The following TMCC2 variants were observed in gnomAD, a reference collection of about 807,000 sequenced individuals.
The protein encoded by TMCC2 is transmembrane and coiled-coil domain family 2.
TMCC2 carries 16 observed loss-of-function variants against 49.4 expected under a neutral mutation model. That is an observed-to-expected ratio of 0.32 (90% CI 0.22 to 0.49). TMCC2 has a LOEUF of 0.49. TMCC2 is among the 20% of genes least tolerant of loss of function. TMCC2 has a pLI of 0.99. For synonymous variants in TMCC2, 397 were observed against 434.1 expected (o/e 0.91, Z 1.06); for missense variants, 762 against 989.8 (o/e 0.77, Z 3.09).
chr1:205,242,390 C>A (rs1465661438), intron 2 of TMCC2, among the ~76,000 whole-genome samples: 1 of 152,174 alleles, frequency 6.6e-6, no homozygotes, highest in African/African-American at 2.4e-5. Context: ...CTGCCACTTA[C>A]TCAGTTAACC....
chr1:205,228,553 C>A lies in TMCC2; in HGVS notation c.-12C>A, dbSNP rs777167743. The A allele has an allele frequency of 7.6e-6, 12 of 1,588,194 alleles. No individual in the cohort carries two copies. The highest frequency in any genetic ancestry group is 1.7e-4 in the Middle Eastern group (1 of 5,988). ...TGGAAGGACAGATTCCCCTTGCCGA[C>A]CCACATACACCATGAAGAGGTGCAG... is the stretch of plus-strand genomic sequence containing the variant. On this transcript the variant is annotated 5_prime_UTR_variant, in exon 1 of 5. Transcript: ENST00000358024.
chr1:205,261,223 CA>C (rs1661101356), intron 2 of TMCC2, among the ~76,000 whole-genome samples: 1 of 121,594 alleles, frequency 8.2e-6, no homozygotes, highest in Non-Finnish European at 1.6e-5. Flanking sequence ...TTTTTTGAAG[CA>C]GGGTCTCACT....
At chr1:205,232,156 G>C (rs1038754730) in intron 1 of TMCC2, among the ~76,000 whole-genome samples, 1 of 152,166 alleles carries the variant, frequency 6.6e-6, no homozygotes, top group Admixed American at 6.5e-5. Flanking sequence ...AGTGCCCTGG[G>C]ATCTGTGATT....
At chr1:205,244,708 T>A (rs546592502) in intron 2 of TMCC2, among the ~76,000 whole-genome samples, 1 of 152,024 alleles carries the variant, frequency 6.6e-6, no homozygotes, top group African/African-American at 2.4e-5. Flanking sequence ...TGGGAGGGCA[T>A]GTAAGGGTGA....
Position 205,228,831 on chromosome 1 carries a change from G to A in TMCC2, c.207+60G>A, listed in dbSNP as rs553130818. The A allele has an allele frequency of 1.6e-5, 25 of 1,526,296 alleles. 1 individual carries two copies. The East Asian group carries it at 4.7e-4, about 28-fold the overall frequency. 94.5% of individuals were successfully genotyped at this position (1,526,296 alleles called of 1,614,324 possible). A position where few individuals can be genotyped will look rare whatever the true frequency, so the allele number is the denominator to read the frequency against. ...CGCGACTTAGCTCTCGCCACCCCAC[G>A]CAGAAGTGCTTTAACAGGATAAAAG... is the stretch of plus-strand genomic sequence containing the variant. On this transcript the variant is annotated intron_variant, in intron 1 of 4. Transcript: ENST00000358024.
intron 1 of TMCC2, chr1:205,237,000 T>C (rs1318543886): frequency 6.6e-6 from 1 of 152,006 alleles, no homozygotes; most frequent in Admixed American, 6.6e-5. Flanking sequence ...AAATTGAGAA[T>C]GGGGGAATTT....
At chr1:205,248,646 C>T (rs74812429) in intron 2 of TMCC2, among the ~76,000 whole-genome samples, 3,323 of 152,180 alleles carry the variant, frequency 0.022, 117 homozygotes, top group African/African-American at 0.076. Context: ...ACTGGTTATA[C>T]GTCCAGTGGA....
chr1:205,261,260 G>T (rs1661103432), intron 2 of TMCC2, among the ~76,000 whole-genome samples: 1 of 145,424 alleles, frequency 6.9e-6, no homozygotes, highest in Non-Finnish European at 1.5e-5. Context: ...GAGTGCAGTG[G>T]TGTGTGTGAT....
intron 1 of TMCC2, among the ~76,000 whole-genome samples, chr1:205,232,412 C>T (rs1211130537): frequency 2.0e-5 from 3 of 152,146 alleles, no homozygotes; most frequent in South Asian, 4.1e-4. Context: ...TTGAAACACT[C>T]GAGTTCATGT....
chr1:205,242,012 C>T lies in TMCC2; in HGVS notation c.715C>T (p.Leu239=). Residue 239 remains leucine, a synonymous_variant, in exon 2 of 5, where the codon CTG becomes TTG. Coordinates refer to ENST00000358024, the MANE Select transcript of TMCC2 (RefSeq NM_014858.4). ...GGCCGACGGCAGCAACGTGTACCTC[C>T]TGGCTGAGGAGGCCGAAGGCATCGG... ...LLADGSNVYL[L]AEEAEGIGDK... is the part of the protein sequence containing the mutation. The T allele has an allele frequency of 6.2e-7, 1 of 1,603,390 alleles. No homozygotes were observed. Among genetic ancestry groups the T allele is most frequent in the Non-Finnish European group, 8.5e-7 (1 of 1,175,578 alleles).
intron 3 of TMCC2, among the ~76,000 whole-genome samples, chr1:205,270,291 A>C (rs1661533765): frequency 6.6e-6 from 1 of 152,164 alleles, no homozygotes; most frequent in Admixed American, 6.5e-5. Flanking sequence ...CAATTCAGGG[A>C]TGACATTAAT....
intron 1 of TMCC2, among the ~76,000 whole-genome samples, chr1:205,235,553 C>CT (rs2102528783): frequency 6.6e-6 from 1 of 152,248 alleles, no homozygotes; most frequent in South Asian, 2.1e-4. Flanking sequence ...CAGTGGTGGT[C>CT]TTAAAGGCCA....
chr1:205,228,353 C>T lies in TMCC2; in HGVS notation c.-212C>T, dbSNP rs541214389. Reference sequence around the variant, plus strand: ...TCTTCGCTCCCCAGGTCGAAATGAACTATTCCAAGCTATAACCAAGGCTCC... The same window carrying T: ...TCTTCGCTCCCCAGGTCGAAATGAATTATTCCAAGCTATAACCAAGGCTCC... On this transcript the variant is annotated 5_prime_UTR_variant, in exon 1 of 5. Transcript: ENST00000358024. 8 of 493,766 alleles carry T rather than the reference C, an allele frequency of 1.6e-5. No individual in the cohort carries two copies. The highest frequency in any genetic ancestry group is 2.9e-5 in the Non-Finnish European group (8 of 274,764). 30.6% of individuals were successfully genotyped at this position (493,766 alleles called of 1,614,324 possible).
Position 205,271,268 on chromosome 1 carries a change from C to T in TMCC2, c.1818+13C>T, listed in dbSNP as rs186528514. ...ACGGGACATCCAGGTATGGCCAGGG[C>T]AACCTTGGGAGGCCCCAGATGTGCT... On this transcript the variant is annotated intron_variant, in intron 4 of 4. Transcript: ENST00000358024. 1.9e-6 allele frequency: 3 copies of T among 1,614,006 alleles called. No homozygotes were observed. In the East Asian group the frequency reaches 6.7e-5, roughly 36 times the overall value.
At position 205,228,001 on chromosome 1, in the gene TMCC2, A is replaced by G. The variant is rs969655437; in HGVS notation, c.-564A>G. ...GCGGCTTTGCGGCAGGCTGCGCGTC[A>G]GGCGGGGAGCGGGGCGCGCGGGCCG... is the stretch of plus-strand genomic sequence containing the variant. On this transcript the variant is annotated 5_prime_UTR_variant, in exon 1 of 5. Coordinates refer to ENST00000358024, the MANE Select transcript of TMCC2 (RefSeq NM_014858.4). Among the ~76,000 whole-genome samples the G allele has an allele frequency of 1.3e-4, 19 of 148,448 alleles. No individual in the cohort carries two copies. Among genetic ancestry groups the G allele is most frequent in the Non-Finnish European group, 2.3e-4 (15 of 66,654 alleles).
At chr1:205,248,282 A>C (rs749008913) in intron 2 of TMCC2, among the ~76,000 whole-genome samples, 6 of 151,972 alleles carry the variant, frequency 3.9e-5, no homozygotes, top group Non-Finnish European at 7.4e-5. Flanking sequence ...GGTAGCGTGC[A>C]CCTGTAGTCC....
At chr1:205,229,530 C>T (rs1029811229) in intron 1 of TMCC2, 2 of 590,526 alleles carry the variant, frequency 3.4e-6, no homozygotes, top group Non-Finnish European at 3.8e-6. Flanking sequence ...CTCAGTTTGC[C>T]GATCTGTGAA....
chr1:205,232,954 A>G (rs1446231459), intron 1 of TMCC2, among the ~76,000 whole-genome samples: 2 of 143,598 alleles, frequency 1.4e-5, no homozygotes, highest in African/African-American at 5.1e-5. Flanking sequence ...AAAAAAAAAA[A>G]AAAAAACACA....
intron 2 of TMCC2, among the ~76,000 whole-genome samples, chr1:205,246,096 G>C (rs1234890700): frequency 1.3e-5 from 2 of 152,094 alleles, no homozygotes; most frequent in African/African-American, 4.8e-5. Flanking sequence ...GAACTACTCT[G>C]GGGGTGGGGC....
Sources: gnomAD v4.1 joint callset for allele counts (sites outside exome capture counted in the v4.1 genomes callset) on GRCh38, gnomAD v4.1.1 for gene constraint, MANE v1.5 for transcripts, NCBI Gene and HGNC (gene_info 2026-07-23, HGNC 2026-07-21) for gene names.